YAP1: variants seen among roughly 807,000 people sequenced by gnomAD.
YAP1 encodes transcriptional coactivator YAP1.
A neutral mutation model predicts 56.9 loss-of-function variants in YAP1; 5 were observed. The ratio of observed to expected loss-of-function variants is 0.09; its 90% CI spans 0.05 to 0.18. The LOEUF is 0.18. Ranked by LOEUF, YAP1 falls within the 10% of genes least tolerant of loss-of-function variation. The pLI is 1.00. For synonymous variants in YAP1, 265 were observed against 248.1 expected, an observed-to-expected ratio of 1.07 and a Z score of -0.64; for missense variants, 539 against 651.8, an observed-to-expected ratio of 0.83 and a Z score of 1.88.
chr11:102,221,627 GC>G (rs1949934036), intron 6 of YAP1, among the ~76,000 whole-genome samples: 1 of 151,936 alleles, frequency 6.6e-6, no homozygotes, highest in African/African-American at 2.4e-5. Context: ...TGAGGCTGAG[GC>G]AGGAGGATCA....
At chr11:102,225,549 A>G (rs1053479354) in intron 7 of YAP1, among the ~76,000 whole-genome samples, 25 of 152,180 alleles carry the variant, frequency 1.6e-4, no homozygotes, top group Non-Finnish European at 3.5e-4. Context: ...TATTTGATTT[A>G]TGTATATTCC....
chr11:102,117,330 C>T (rs1426398), intron 2 of YAP1, among the ~76,000 whole-genome samples: 78,716 of 152,072 alleles, frequency 0.52, 20,853 homozygotes, highest in East Asian at 0.67. Context: ...CACTTGTTTC[C>T]GCAATGAAAC....
At chr11:102,201,987 C>T (rs1177146885) in intron 4 of YAP1, among the ~76,000 whole-genome samples, 4 of 151,736 alleles carry the variant, frequency 2.6e-5, no homozygotes, top group African/African-American at 9.7e-5. Flanking sequence ...GTAGAACAAG[C>T]CCATTGTAGC....
intron 2 of YAP1, among the ~76,000 whole-genome samples, chr11:102,157,791 A>G (rs182991653): frequency 6.6e-6 from 1 of 152,264 alleles, no homozygotes; most frequent in Non-Finnish European, 1.5e-5. Context: ...GTTCACTTTT[A>G]TCAGAAAAAA....
chr11:102,229,480 A>G (rs1383293787), intron 8 of YAP1, among the ~76,000 whole-genome samples: 1 of 152,112 alleles, frequency 6.6e-6, no homozygotes, highest in African/African-American at 2.4e-5. Context: ...CATAATAGCA[A>G]TCAAGCTGTT....
At chr11:102,218,423 G>A (rs1267285309) in intron 6 of YAP1, among the ~76,000 whole-genome samples, 3 of 152,120 alleles carry the variant, frequency 2.0e-5, no homozygotes. Context: ...ATTCTGTATT[G>A]GGAATAATGG....
intron 4 of YAP1, among the ~76,000 whole-genome samples, chr11:102,203,689 AAT>A (rs1335988550): frequency 1.3e-5 from 2 of 152,240 alleles, no homozygotes; most frequent in African/African-American, 4.8e-5. Flanking sequence ...CAAAATGTAA[AAT>A]ATATGTTTGG....
chr11:102,110,554 C>T lies in YAP1; in HGVS notation c.-295C>T, dbSNP rs1483826335. The stretch of plus-strand genomic sequence containing the variant: ...GGGGAAAGGCAACGAGCTGTCCGGC[C>T]TCCGTCAAGGGAGTTGGAGGGAAAA... On this transcript the variant is annotated 5_prime_UTR_variant, in exon 1 of 9. Coordinates refer to ENST00000282441, the MANE Select transcript of YAP1 (RefSeq NM_001130145.3). 1 of 197,678 alleles carries T rather than the reference C, an allele frequency of 5.1e-6. No homozygotes were observed. Among genetic ancestry groups the T allele is most frequent in the East Asian group, 1.3e-4 (1 of 7,510 alleles). The allele number at this position is 197,678 out of a possible 1,614,324, so 12.2% of individuals were successfully genotyped here. A position where few individuals can be genotyped will look rare whatever the true frequency, so the allele number is the denominator to read the frequency against.
Position 102,230,046 on chromosome 11 carries a change from A to T in YAP1, c.*106A>T. On this transcript the variant is annotated 3_prime_UTR_variant, in exon 9 of 9. Transcript: ENST00000282441. ...AGTTTTCAGGCTAATACAGAAAAAGATGAACAAACGTCCAGCAAGATACTT... is the reference window on the plus strand; with the variant it reads ...AGTTTTCAGGCTAATACAGAAAAAGTTGAACAAACGTCCAGCAAGATACTT... 1 of 930,654 alleles carries T rather than the reference A, an allele frequency of 1.1e-6. No homozygotes were observed. The highest frequency in any genetic ancestry group is 1.7e-6 in the Non-Finnish European group (1 of 599,842). The allele number at this position is 930,654 out of a possible 1,614,324, so 57.6% of individuals were successfully genotyped here.
intron 2 of YAP1, among the ~76,000 whole-genome samples, chr11:102,150,139 C>T (rs1255169449): frequency 6.6e-6 from 1 of 151,760 alleles, no homozygotes; most frequent in Non-Finnish European, 1.5e-5. Flanking sequence ...CATGTGCCAC[C>T]ATGCCTGGCT....
At chr11:102,183,633 G>A (rs923356814) in intron 3 of YAP1, among the ~76,000 whole-genome samples, 2 of 151,844 alleles carry the variant, frequency 1.3e-5, no homozygotes, top group African/African-American at 4.8e-5. Context: ...GGTAGGGAAG[G>A]TTGGTTTGTA....
intron 4 of YAP1, among the ~76,000 whole-genome samples, chr11:102,204,493 C>T (rs1036389596): frequency 3.9e-5 from 6 of 152,132 alleles, no homozygotes; most frequent in African/African-American, 9.7e-5. Context: ...CAATAAATGT[C>T]AGTAGACAAT....
chr11:102,229,707 A>G lies in YAP1; in HGVS notation c.1282A>G (p.Thr428Ala). 1.2e-6 allele frequency: 2 copies of G among 1,613,852 alleles called. No homozygotes were observed. Among genetic ancestry groups the G allele is most frequent in the Non-Finnish European group, 1.7e-6 (2 of 1,179,808 alleles). Residue 428 changes from threonine (T) to alanine (A), a missense_variant, in exon 9 of 9, where the codon ACT (threonine) becomes GCT (alanine). Thr to Ala is a moderately conservative substitution (Grantham distance 58). Around this residue, in one of 4 missense-constraint regions of YAP1, gnomAD observed 414 missense variants for 512.4 expected, o/e 0.81. Coordinates refer to ENST00000282441, the MANE Select transcript of YAP1 (RefSeq NM_001130145.3). ...NSVDEMDTGD[T>A]INQSTLPSQQ... ...TCTCTGTGTGTTTCCACTAGGTGAT[A>G]CTATCAACCAAAGCACCCTGCCCTC...
At chr11:102,181,307 G>T (rs953074620) in intron 3 of YAP1, among the ~76,000 whole-genome samples, 2 of 152,012 alleles carry the variant, frequency 1.3e-5, no homozygotes, top group African/African-American at 4.8e-5. Context: ...TTAGCCGAGC[G>T]TGGTGGTGGG....
chr11:102,114,280 C>G lies in YAP1; in HGVS notation c.458C>G (p.Ala153Gly). ...TPTGVVSGPA[A>G]TPTAQHLRQS... ...ACTGGAGTAGTCTCTGGCCCAGCAG[C>G]TACACCCACAGCTCAGCATCTTCGA... is the stretch of plus-strand genomic sequence containing the variant. Residue 153 changes from alanine to glycine, a missense_variant, in exon 2 of 9, where the codon GCT (alanine) becomes GGT (glycine). Coordinates refer to ENST00000282441, the MANE Select transcript of YAP1 (RefSeq NM_001130145.3). The G allele has an allele frequency of 6.2e-7, 1 of 1,614,196 alleles. No homozygotes were observed. Among genetic ancestry groups the G allele is most frequent in the South Asian group, 1.1e-5 (1 of 91,088 alleles).
At chr11:102,144,483 A>G (rs1945204438) in intron 2 of YAP1, among the ~76,000 whole-genome samples, 1 of 152,194 alleles carries the variant, frequency 6.6e-6, no homozygotes, top group Non-Finnish European at 1.5e-5. Flanking sequence ...GCATATTTTT[A>G]AAGAGCAGAA....
intron 7 of YAP1, among the ~76,000 whole-genome samples, chr11:102,224,380 A>G (rs533464600): frequency 2.3e-4 from 35 of 152,362 alleles, no homozygotes; most frequent in African/African-American, 8.4e-4. Context: ...AAGCTGAAAC[A>G]GGTCATATTC....
At chr11:102,208,235 A>C (rs1949220795) in intron 5 of YAP1, among the ~76,000 whole-genome samples, 1 of 152,230 alleles carries the variant, frequency 6.6e-6, no homozygotes. Context: ...ACTGCCCTTC[A>C]AAATGGCGTC....
intron 6 of YAP1, among the ~76,000 whole-genome samples, chr11:102,212,996 T>C (rs1471331301): frequency 1.3e-5 from 2 of 152,250 alleles, no homozygotes; most frequent in Non-Finnish European, 2.9e-5. Context: ...TTTGTGAGAT[T>C]GAGCAGTTAA....
Sources: allele counts gnomAD v4.1 joint callset (sites outside exome capture counted in the v4.1 genomes callset), GRCh38; gene constraint gnomAD v4.1.1; regional missense constraint gnomAD v4.1.1; transcripts MANE v1.5; gene names NCBI Gene and HGNC (gene_info 2026-07-23, HGNC 2026-07-21).